Variants in MCF2L observed in about 807,000 individuals in gnomAD.
The protein encoded by MCF2L is guanine nucleotide exchange factor DBS.
MCF2L carries 97 observed loss-of-function variants against 153.4 expected under a neutral mutation model. The observed-to-expected ratio is 0.63, with a 90% confidence interval of 0.54 to 0.75. The LOEUF (loss-of-function observed/expected upper bound fraction) is 0.75, where lower values mean the gene tolerates loss of function less well. Among genes scored for constraint, MCF2L ranks in the 30% least tolerant of loss-of-function variants. The pLI is 0.00. For synonymous variants in MCF2L, 659 were observed against 632.2 expected (o/e 1.04, Z -0.64); for missense variants, 1,347 against 1,495.2 (o/e 0.90, Z 1.64).
In MCF2L at chr13:112,979,595, G is replaced by T. The variant is rs983588777; in HGVS notation, c.79+10137G>T. ...AAGGCTGTGGCTCTAGCATCAGGGG[G>T]TCGCCTGTGGTCCCTGCGTGAAGAA... On this transcript the variant is annotated intron_variant, in intron 1 of 29. Transcript: ENST00000535094. 1.8e-5 allele frequency: 29 copies of T among 1,599,754 alleles called. No individual in the cohort carries two copies. In the Middle Eastern group the frequency reaches 7.2e-4, roughly 40 times the overall value.
intron 1 of MCF2L, chr13:112,979,821 C>T: frequency 2.0e-6 from 3 of 1,473,552 alleles, no homozygotes; most frequent in Non-Finnish European, 9.2e-7. Context: ...CAGGTGTCCT[C>T]TCTGCGGGCA....
rs565755755 is a variant in MCF2L, at chr13:112,925,665, G to A, written c.169+23294G>A. On this transcript the variant is annotated intron_variant, in intron 2 of 29. Transcript: ENST00000375608. ...CTACCTCTTGGGAAATATTGGTTGGGAAGGGGCCAGGAAGCCTCCTGGGGT... is the reference window on the plus strand; with the variant it reads ...CTACCTCTTGGGAAATATTGGTTGGAAAGGGGCCAGGAAGCCTCCTGGGGT... Among the ~76,000 whole-genome samples, 6 of 152,256 alleles carry A rather than the reference G, an allele frequency of 3.9e-5. No homozygotes were observed. In the South Asian group the frequency reaches 1.2e-3, roughly 32 times the overall value.
chr13:112,918,379 T>C (rs2081317274), intron 2 of MCF2L, among the ~76,000 whole-genome samples: 1 of 152,174 alleles, frequency 6.6e-6, no homozygotes, highest in Non-Finnish European at 1.5e-5. Flanking sequence ...TCCAGTAGAC[T>C]GGGAGAGAGA....
At chr13:112,976,322 AG>A (rs1215147254) in intron 1 of MCF2L, among the ~76,000 whole-genome samples, 9 of 152,332 alleles carry the variant, frequency 5.9e-5, no homozygotes, top group Admixed American at 5.9e-4. Flanking sequence ...AATTCACTAA[AG>A]GAAAGAACTA....
chr13:112,909,075 G>A (rs1555349084), intron 2 of MCF2L, among the ~76,000 whole-genome samples: 1 of 152,176 alleles, frequency 6.6e-6, no homozygotes, highest in Non-Finnish European at 1.5e-5. Flanking sequence ...GGATGATCTG[G>A]GTAGGGGGAT....
intron 3 of MCF2L, chr13:113,040,710 G>C (rs1445255472): frequency 1.3e-5 from 2 of 152,270 alleles, no homozygotes. Context: ...CCATGTCCAC[G>C]CAGCAGAGGC....
At chr13:112,938,108 G>A (rs1004442111) in intron 2 of MCF2L, among the ~76,000 whole-genome samples, 6 of 142,594 alleles carry the variant, frequency 4.2e-5, no homozygotes, top group Admixed American at 2.1e-4. Flanking sequence ...TGGTTCAGGT[G>A]AGCGCTGAGG....
chr13:113,012,554 C>T (rs2084221842), intron 1 of MCF2L, among the ~76,000 whole-genome samples: 1 of 109,168 alleles, frequency 9.2e-6, no homozygotes, highest in African/African-American at 3.3e-5. Context: ...GCGATGAGGA[C>T]AGTGGACAGG....
rs2081691560 is a variant in MCF2L at position 112,951,366 on chromosome 13, G to A, written c.169+48995G>A. ...TGCACTCCTGGGAATTTATCCCAGA[G>A]AAATCAAAATTTATGTGCACATAAA... On this transcript the variant is annotated intron_variant, in intron 2 of 29. Transcript: ENST00000375608. The surrounding 1 kb of genome is among the most constrained non-coding windows in gnomAD (Gnocchi z 4.8). Among the ~76,000 whole-genome samples the A allele has an allele frequency of 6.6e-6, 1 of 152,172 alleles. No homozygotes were observed. The highest frequency in any genetic ancestry group is 6.5e-5 in the Admixed American group (1 of 15,286).
chr13:113,007,233 G>A (rs1258993147), intron 1 of MCF2L, among the ~76,000 whole-genome samples: 2 of 152,190 alleles, frequency 1.3e-5, no homozygotes, highest in Non-Finnish European at 2.9e-5. Context: ...GGCCCACCTG[G>A]CTGAAACTGC....
rs1220913396 is a variant in MCF2L, at chr13:113,027,068, ATATGGCAT to A, written c.278+2311_278+2318del. 6 of 767,194 alleles carry A rather than the reference ATATGGCAT, an allele frequency of 7.8e-6. No homozygotes were observed. The highest frequency in any genetic ancestry group is 1.7e-5 in the African/African-American group (1 of 58,906). 47.5% of individuals were successfully genotyped at this position (767,194 alleles called of 1,614,324 possible). On this transcript the variant is annotated intron_variant, in intron 3 of 29. Transcript: ENST00000535094. This position sits in a 1 kb window ranked among gnomAD's most constrained non-coding sequence, Gnocchi z 4.8. ...CAAGTAAAAACAGAAATATCCTTAA[ATATGGCAT>A]CTGTATCCCGCACATTACATAAGGT...
chr13:112,912,864 G>A (rs778736793), intron 2 of MCF2L, among the ~76,000 whole-genome samples: 4 of 151,210 alleles, frequency 2.6e-5, no homozygotes, highest in African/African-American at 4.9e-5. Flanking sequence ...GTGTCTGTAT[G>A]GGGTGTGTCT....
In MCF2L at chr13:113,096,599, A is replaced by G. The variant is rs770834645; in HGVS notation, c.3238A>G (p.Ser1080Gly). ...TGKEGWVPAS[S>G]LSVRLGPSGS... ...CAAGGAGGGCTGGGTGCCGGCCAGCAGCCTGTCCGTCCGGCTCGGCCCGTC... is the reference window on the plus strand; with the variant it reads ...CAAGGAGGGCTGGGTGCCGGCCAGCGGCCTGTCCGTCCGGCTCGGCCCGTC... The change falls in exon 29 of 30, where the codon AGC becomes GGC. Residue 1080 changes from serine to glycine, a missense_variant. Transcript: ENST00000535094. 2 of 1,603,402 alleles carry G rather than the reference A, an allele frequency of 1.2e-6. No individual in the cohort carries two copies. Among genetic ancestry groups the G allele is most frequent in the Admixed American group, 1.7e-5 (1 of 59,734 alleles).
chr13:113,033,046 C>T (rs1042992433), intron 3 of MCF2L, among the ~76,000 whole-genome samples: 1 of 144,632 alleles, frequency 6.9e-6, no homozygotes, highest in Non-Finnish European at 1.5e-5. Flanking sequence ...CGTGAGTGGC[C>T]CCCATGACGT....
At chr13:112,964,691 G>C (rs1221134844), upstream of MCF2L, 3 of 152,086 alleles carry the variant, frequency 2.0e-5, no homozygotes, top group African/African-American at 7.2e-5. Flanking sequence ...CACATCCCAG[G>C]AAATATTCAC....
intron 1 of MCF2L, chr13:112,985,575 G>T: frequency 4.7e-6 from 2 of 428,096 alleles, no homozygotes; most frequent in South Asian, 3.3e-5. Context: ...TGCCCTCTGT[G>T]GATGCCCCGT....
chr13:113,090,658 G>C, intron 26 of MCF2L: 1 of 985,474 alleles, frequency 1.0e-6, no homozygotes, highest in South Asian at 4.7e-5. Flanking sequence ...CGGGGAAATG[G>C]GCCCAGGAGG....
At chr13:112,922,530 T>TA (rs767874814) in intron 2 of MCF2L, among the ~76,000 whole-genome samples, 12,444 of 137,058 alleles carry the variant, frequency 0.091, 585 homozygotes, top group South Asian at 0.19. Context: ...TCACAACACA[T>TA]AAAAAAAAAA....
chr13:113,022,227 A>G (rs915310261), intron 2 of MCF2L, among the ~76,000 whole-genome samples: 1 of 151,266 alleles, frequency 6.6e-6, no homozygotes, highest in Non-Finnish European at 1.5e-5. Context: ...ATCCACTCCA[A>G]GCTCCCAGGC....
Sources: gnomAD v4.1 joint callset for allele counts (sites outside exome capture counted in the v4.1 genomes callset) on GRCh38, gnomAD v4.1.1 for gene constraint, Gnocchi (gnomAD v3.1) non-coding constraint, MANE v1.5 for transcripts, NCBI Gene and HGNC (gene_info 2026-07-23, HGNC 2026-07-21) for gene names.